Variants in MBNL2 observed in about 807,000 individuals in gnomAD.
MBNL2 encodes the protein muscleblind-like protein 2.
MBNL2 carries 17 observed loss-of-function variants against 41.9 expected under a neutral mutation model. That is an observed-to-expected ratio of 0.41 (90% CI 0.28 to 0.61). MBNL2 has a LOEUF of 0.61. MBNL2 is among the 20% of genes least tolerant of loss of function. The pLI, the probability that MBNL2 is intolerant of heterozygous loss-of-function variation, is 0.35. For missense variants in MBNL2, 336 were observed against 505.6 expected (o/e 0.66, Z 3.22); for synonymous variants, 195 against 182.9 (o/e 1.07, Z -0.53).
Position 97,297,982 on chromosome 13 carries a change from G to A in MBNL2, c.174+21573G>A, listed in dbSNP as rs184890110. 3.0e-3 allele frequency among the ~76,000 whole-genome samples: 453 copies of A among 152,144 alleles called. 1 individual carries two copies. The highest frequency in any genetic ancestry group is 0.011 in the African/African-American group (438 of 41,502). Reference sequence around the variant, plus strand: ...AAACAAAATATTTCTCGAAAGGAGAGGGAAAACAGACACATAGAAGAAAAT... The same window carrying A: ...AAACAAAATATTTCTCGAAAGGAGAAGGAAAACAGACACATAGAAGAAAAT... On this transcript the variant is annotated intron_variant, in intron 2 of 8. Coordinates refer to ENST00000679496, the MANE Select transcript of MBNL2 (RefSeq NM_001382683.1).
In MBNL2 at chr13:97,274,226, C is replaced by T. The variant is rs151254113; in HGVS notation, c.-604-1406C>T. ...TTATTGGGCCGGGCACGGTGGCTCA[C>T]GCCTGTAATCCCAGCACTTTGGAAG... is the stretch of plus-strand genomic sequence containing the variant. On this transcript the variant is annotated intron_variant, in intron 1 of 8. Transcript: ENST00000679496. Among the ~76,000 whole-genome samples the T allele has an allele frequency of 7.2e-5, 11 of 152,266 alleles. No individual in the cohort carries two copies. The East Asian group carries it at 9.6e-4, about 13-fold the overall frequency.
the MBNL2 span, among the ~76,000 whole-genome samples, chr13:97,160,062 A>G: frequency 6.6e-6 from 1 of 152,094 alleles, no homozygotes; most frequent in African/African-American, 2.4e-5. Flanking sequence ...GTCTTTTCAC[A>G]TAGTCCCATA....
At chr13:97,145,421 G>C in the MBNL2 span, among the ~76,000 whole-genome samples, 1 of 152,168 alleles carries the variant, frequency 6.6e-6, no homozygotes. Context: ...GGGAGCAAAA[G>C]GGACTGTAAG....
rs2052123918 is a variant in MBNL2, at chr13:97,276,360, G to A, written c.125G>A (p.Ser42Asn). 1.9e-6 allele frequency: 3 copies of A among 1,613,950 alleles called. No homozygotes were observed. The highest frequency in any genetic ancestry group is 3.3e-5 in the Admixed American group (2 of 60,000). ...TGCAAATTTGCTCATCCCCCCAAAA[G>A]TTGTCAGGTTGAAAATGGAAGAGTA... ...EECKFAHPPK[S>N]CQVENGRVIA... is the part of the protein sequence containing the mutation. Residue 42 changes from serine (S) to asparagine (N), a missense_variant, in exon 2 of 9, where the codon AGT becomes AAT. Transcript: ENST00000679496.
chr13:97,213,381 A>G, the MBNL2 span, among the ~76,000 whole-genome samples: 46 of 152,204 alleles, frequency 3.0e-4, 1 homozygote, highest in Non-Finnish European at 1.5e-5. Context: ...CATACTAGTT[A>G]GATTTCTTTT....
intron 2 of MBNL2, among the ~76,000 whole-genome samples, chr13:97,299,013 G>A (rs1193783631): frequency 2.0e-5 from 3 of 152,136 alleles, no homozygotes; most frequent in Admixed American, 1.3e-4. Flanking sequence ...AGCTTGTAGT[G>A]TACTTGGCTG....
intron 1 of MBNL2, among the ~76,000 whole-genome samples, chr13:97,239,627 T>A (rs1179927225): frequency 6.6e-6 from 1 of 152,234 alleles, no homozygotes; most frequent in Non-Finnish European, 1.5e-5. Context: ...ACCAGGGATC[T>A]TTTTTCATTT....
chr13:97,380,776 C>T (rs2065376694), intron 8 of MBNL2, among the ~76,000 whole-genome samples: 1 of 152,096 alleles, frequency 6.6e-6, no homozygotes, highest in African/African-American at 2.4e-5. Context: ...TGTGGGAGCT[C>T]TCCTCCTCCT....
At chr13:97,376,009 G>C (rs2064933111) in intron 8 of MBNL2, among the ~76,000 whole-genome samples, 1 of 152,118 alleles carries the variant, frequency 6.6e-6, no homozygotes, top group South Asian at 2.1e-4. Flanking sequence ...TGCAGGATGA[G>C]AACAGGACAG....
At position 97,392,879 on chromosome 13, in the gene MBNL2, G is replaced by T. The variant is rs1213049007; in HGVS notation, c.*1430G>T. 1 of 152,414 alleles carries T rather than the reference G, an allele frequency of 6.6e-6. No individual in the cohort carries two copies. The highest frequency in any genetic ancestry group is 2.4e-5 in the African/African-American group (1 of 41,424). The allele number at this position is 152,414 out of a possible 1,614,324, so 9.4% of individuals were successfully genotyped here. On this transcript the variant is annotated 3_prime_UTR_variant, in exon 9 of 9. Coordinates refer to ENST00000679496, the MANE Select transcript of MBNL2 (RefSeq NM_001382683.1). ...TTTCTTTGTGAACATATTAGTGATTGAAGTATTTTGACTTTTGAGATTGAA... is the reference window on the plus strand; with the variant it reads ...TTTCTTTGTGAACATATTAGTGATTTAAGTATTTTGACTTTTGAGATTGAA...
chr13:97,199,653 C>T, the MBNL2 span, among the ~76,000 whole-genome samples: 1 of 152,240 alleles, frequency 6.6e-6, no homozygotes, highest in Non-Finnish European at 1.5e-5. Flanking sequence ...TGGGAAGCCT[C>T]TGATCCGTAT....
At chr13:97,251,919 C>T (rs913775563) in intron 1 of MBNL2, among the ~76,000 whole-genome samples, 4 of 140,672 alleles carry the variant, frequency 2.8e-5, no homozygotes, top group East Asian at 2.2e-4. Context: ...GGCGCAATCT[C>T]GGCTCACTGC....
At chr13:97,194,313 T>TG in the MBNL2 span, among the ~76,000 whole-genome samples, 1 of 152,250 alleles carries the variant, frequency 6.6e-6, no homozygotes, top group Non-Finnish European at 1.5e-5. Context: ...TGCCTACCAC[T>TG]GTACCTGGTA....
chr13:97,368,758 G>T (rs1052141255), intron 8 of MBNL2, among the ~76,000 whole-genome samples: 2 of 151,604 alleles, frequency 1.3e-5, no homozygotes, highest in Non-Finnish European at 2.9e-5. Context: ...GTGTAGGGAG[G>T]CAGAGGTTGG....
At chr13:97,210,571 A>ATTTTTTTTTTTTT in the MBNL2 span, among the ~76,000 whole-genome samples, 5 of 65,466 alleles carry the variant, frequency 7.6e-5, no homozygotes, top group African/African-American at 3.2e-4. Context: ...ACAACTGTGA[A>ATTTTTTTTTTTTT]TTTTTTTTTT....
At chr13:97,361,833 GAT>G in intron 7 of MBNL2, among the ~76,000 whole-genome samples, 1 of 125,342 alleles carries the variant, frequency 8.0e-6, no homozygotes, top group East Asian at 2.6e-4. Flanking sequence ...GCAGTGGCAT[GAT>G]CTTGGCTCAC....
At chr13:97,196,898 T>C in the MBNL2 span, among the ~76,000 whole-genome samples, 1 of 152,220 alleles carries the variant, frequency 6.6e-6, no homozygotes, top group Admixed American at 6.5e-5. Flanking sequence ...AAAGATGCAA[T>C]TTAAATTGAA....
chr13:97,365,883 A>G (rs2063804479), intron 8 of MBNL2, among the ~76,000 whole-genome samples: 1 of 152,184 alleles, frequency 6.6e-6, no homozygotes, highest in South Asian at 2.1e-4. Context: ...AATTTGCATC[A>G]AGGCTATGAT....
At chr13:97,184,668 G>A in the MBNL2 span, among the ~76,000 whole-genome samples, 1 of 152,132 alleles carries the variant, frequency 6.6e-6, no homozygotes, top group Non-Finnish European at 1.5e-5. Context: ...TTTTTAGTAG[G>A]AACGGGGTTT....
Sources: gnomAD v4.1 joint callset for allele counts (sites outside exome capture counted in the v4.1 genomes callset) on GRCh38, gnomAD v4.1.1 for gene constraint, MANE v1.5 for transcripts, NCBI Gene and HGNC (gene_info 2026-07-23, HGNC 2026-07-21) for gene names.